Variants in SLMAP observed in about 807,000 individuals in gnomAD.
SLMAP encodes sarcolemma associated protein, also known as sarcolemmal membrane-associated protein.
A neutral mutation model predicts 128.8 loss-of-function variants in SLMAP; 44 were observed. That is an observed-to-expected ratio of 0.34 (90% CI 0.27 to 0.44). The LOEUF is 0.44. Ranked by LOEUF, SLMAP falls within the 20% of genes least tolerant of loss-of-function variation. The probability of loss-of-function intolerance (pLI) is 1.00; values close to 1 mark genes in which losing one functional copy is unlikely to be tolerated. For synonymous variants in SLMAP, 327 were observed against 348.8 expected (o/e 0.94, Z 0.70); for missense variants, 787 against 985.3 (o/e 0.80, Z 2.69).
chr3:57,775,060 CT>C (rs530444970), intron 2 of SLMAP, among the ~76,000 whole-genome samples: 14,537 of 145,344 alleles, frequency 0.1, 2,338 homozygotes, highest in African/African-American at 0.34. Flanking sequence ...TTATATTTTT[CT>C]TTTTTTTTTT....
intron 2 of SLMAP, among the ~76,000 whole-genome samples, chr3:57,762,709 G>A (rs921859871): frequency 5.7e-5 from 8 of 140,488 alleles, no homozygotes; most frequent in Non-Finnish European, 1.1e-4. Context: ...ATAGTAGAAT[G>A]GTTTTTTTTT....
chr3:57,834,134 A>G (rs116453756), intron 3 of SLMAP, among the ~76,000 whole-genome samples: 2 of 152,350 alleles, frequency 1.3e-5, no homozygotes, highest in Non-Finnish European at 2.9e-5. Context: ...GATAAAATTA[A>G]TAATCTTAAA....
In SLMAP at chr3:57,860,864, T is replaced by TA. The variant is rs1351755064; in HGVS notation, c.828+28dup. On this transcript the variant is annotated intron_variant, in intron 9 of 24. Transcript: ENST00000671191. Reference sequence around the variant, plus strand: ...GGTATTTCAATCAAAAAAAAAATACTAAATAGTATTATGAGTGTTCAAAAA... The same window carrying TA: ...GGTATTTCAATCAAAAAAAAAATACTAAAATAGTATTATGAGTGTTCAAAAA... 5 of 1,537,262 alleles carry TA rather than the reference T, an allele frequency of 3.3e-6. No homozygotes were observed. In the African/African-American group the frequency reaches 7.0e-5, roughly 22 times the overall value.
At chr3:57,838,312 A>G (rs1458823746) in intron 3 of SLMAP, among the ~76,000 whole-genome samples, 1 of 152,242 alleles carries the variant, frequency 6.6e-6, no homozygotes, top group East Asian at 1.9e-4. Context: ...AGAGAAATCC[A>G]TCTCTTCTGT....
At chr3:57,779,581 A>G (rs982323271) in intron 2 of SLMAP, among the ~76,000 whole-genome samples, 4 of 152,108 alleles carry the variant, frequency 2.6e-5, no homozygotes, top group South Asian at 2.1e-4. Flanking sequence ...CTGTTTTGCT[A>G]TAAATATAGT....
chr3:57,902,512 G>A (rs1408113075), intron 17 of SLMAP, among the ~76,000 whole-genome samples: 3 of 152,172 alleles, frequency 2.0e-5, no homozygotes, highest in Admixed American at 1.3e-4. Context: ...GAGGTTTATT[G>A]AATGAACTGG....
intron 13 of SLMAP, among the ~76,000 whole-genome samples, chr3:57,869,630 T>TTTTATATATATATATA (rs1451155377): frequency 3.6e-4 from 27 of 75,462 alleles, no homozygotes; most frequent in Admixed American, 3.0e-3. Context: ...CCCATCTCTA[T>TTTTATATATATATATA]TATATATATA....
At chr3:57,792,975 A>T (rs2085856242) in intron 2 of SLMAP, among the ~76,000 whole-genome samples, 1 of 152,074 alleles carries the variant, frequency 6.6e-6, no homozygotes, top group South Asian at 2.1e-4. Flanking sequence ...CATCTCTACC[A>T]AAAAATTGCA....
chr3:57,906,294 TTTTTTCTTTTTTTTTC>T lies in SLMAP; in HGVS notation c.1502-1584_1502-1569del, dbSNP rs1242778430. ...AGAGTAGCTGAACCCAGAATCAAAT[TTTTTTCTTTTTTTTTC>T]TTTTTTTTTTTTTTTTTTTTTTAGA... On this transcript the variant is annotated intron_variant, in intron 17 of 24. Coordinates refer to ENST00000671191, the MANE Select transcript of SLMAP (RefSeq NM_001377540.1). 2.3e-4 allele frequency among the ~76,000 whole-genome samples: 24 copies of T among 105,162 alleles called. No homozygotes were observed. In the South Asian group the frequency reaches 8.0e-3, roughly 35 times the overall value. The allele number at this position is 105,162 out of a possible 152,430, so 69.0% of individuals were successfully genotyped here.
chr3:57,767,277 C>T (rs2079934366), intron 2 of SLMAP, among the ~76,000 whole-genome samples: 1 of 152,222 alleles, frequency 6.6e-6, no homozygotes, highest in Non-Finnish European at 1.5e-5. Flanking sequence ...AAATGTACTA[C>T]TGTCCCATCA....
intron 2 of SLMAP, among the ~76,000 whole-genome samples, chr3:57,767,996 C>T (rs2080079538): frequency 6.6e-6 from 1 of 152,172 alleles, no homozygotes; most frequent in African/African-American, 2.4e-5. Flanking sequence ...ACCTCTACTA[C>T]TCCTAGAAAT....
At chr3:57,766,896 CTTTA>C (rs201769547) in intron 2 of SLMAP, among the ~76,000 whole-genome samples, 1,577 of 151,832 alleles carry the variant, frequency 0.01, 30 homozygotes, top group African/African-American at 0.036. Context: ...TGTATAATTT[CTTTA>C]TTTCTTTTTT....
At chr3:57,820,858 C>G (rs1264154773) in intron 2 of SLMAP, among the ~76,000 whole-genome samples, 1 of 152,164 alleles carries the variant, frequency 6.6e-6, no homozygotes, top group Non-Finnish European at 1.5e-5. Flanking sequence ...CTCACTCCTG[C>G]CCCTACTGCC....
chr3:57,773,364 C>T (rs1191861898), intron 2 of SLMAP, among the ~76,000 whole-genome samples: 3 of 152,206 alleles, frequency 2.0e-5, no homozygotes, highest in African/African-American at 7.2e-5. Flanking sequence ...GTACTATATG[C>T]TGTAGGAACT....
At chr3:57,810,103 G>A (rs1447252287) in intron 2 of SLMAP, among the ~76,000 whole-genome samples, 1 of 152,160 alleles carries the variant, frequency 6.6e-6, no homozygotes, top group African/African-American at 2.4e-5. Flanking sequence ...GAGGCTCCAA[G>A]CTTCCAGGTG....
At chr3:57,866,559 T>A (rs950839956) in intron 13 of SLMAP, among the ~76,000 whole-genome samples, 2 of 152,350 alleles carry the variant, frequency 1.3e-5, no homozygotes, top group South Asian at 2.1e-4. Context: ...CTATTCTACG[T>A]ATGTTTTGTA....
intron 2 of SLMAP, among the ~76,000 whole-genome samples, chr3:57,769,088 G>T (rs2080296117): frequency 6.6e-6 from 1 of 152,168 alleles, no homozygotes; most frequent in South Asian, 2.1e-4. Flanking sequence ...TTGGGATGAT[G>T]AAAATGTAAA....
intron 2 of SLMAP, among the ~76,000 whole-genome samples, chr3:57,793,700 A>G (rs1011755241): frequency 6.6e-6 from 1 of 152,062 alleles, no homozygotes; most frequent in African/African-American, 2.4e-5. Context: ...TATCTCCTTC[A>G]GTTTTATGAA....
At chr3:57,846,700 G>A (rs904248397) in intron 4 of SLMAP, among the ~76,000 whole-genome samples, 7 of 151,882 alleles carry the variant, frequency 4.6e-5, no homozygotes, top group African/African-American at 1.7e-4. Context: ...GGGACTAATG[G>A]TGTGCGCCAC....
Sources: gnomAD v4.1 joint callset for allele counts (sites outside exome capture counted in the v4.1 genomes callset) on GRCh38, gnomAD v4.1.1 for gene constraint, MANE v1.5 for transcripts, NCBI Gene and HGNC (gene_info 2026-07-23, HGNC 2026-07-21) for gene names.